Variants in FMN1 observed in about 807,000 individuals in gnomAD.
FMN1 encodes formin-1.
Under a neutral mutation model 132.4 loss-of-function variants are expected in FMN1, and 110 were observed. The observed-to-expected ratio is 0.83, with a 90% CI of 0.71 to 0.97. The LOEUF (loss-of-function observed/expected upper bound fraction) is 0.97, where lower values mean the gene tolerates loss of function less well. Among genes scored for constraint, FMN1 ranks in the 50% least tolerant of loss-of-function variants. FMN1 has a pLI of 0.00. For synonymous variants in FMN1, 722 were observed against 651.7 expected (o/e 1.11, Z -1.64); for missense variants, 1,792 against 1,705.3 (o/e 1.05, Z -0.90).
At chr15:33,104,645 G>T (rs117865210) in intron 4 of FMN1, among the ~76,000 whole-genome samples, 1 of 151,978 alleles carries the variant, frequency 6.6e-6, no homozygotes, top group Admixed American at 6.6e-5. Context: ...CTAGTAATAC[G>T]TATGTATTCC....
In FMN1 at chr15:33,117,979, G is replaced by T. The variant is rs548390923; in HGVS notation, c.1868-29005C>A. 5.9e-5 allele frequency among the ~76,000 whole-genome samples: 9 copies of T among 152,130 alleles called. 1 individual carries two copies. The highest frequency in any genetic ancestry group is 2.2e-4 in the African/African-American group (9 of 41,442). On this transcript the variant is annotated intron_variant, in intron 4 of 20. Transcript: ENST00000616417. Reference sequence around the variant, plus strand: ...TTTTCGTGTTCCTAGAAAGAAAATTGTTGTTAATTTGCAAAGACTTTTGCA... The same window carrying T: ...TTTTCGTGTTCCTAGAAAGAAAATTTTTGTTAATTTGCAAAGACTTTTGCA...
chr15:33,036,019 G>A (rs1338021347), intron 6 of FMN1, among the ~76,000 whole-genome samples: 2 of 152,092 alleles, frequency 1.3e-5, no homozygotes, highest in Non-Finnish European at 1.5e-5. Context: ...ACACCACCTC[G>A]GGACTCCTCA....
intron 16 of FMN1, among the ~76,000 whole-genome samples, chr15:32,862,317 C>T (rs1425250831): frequency 7.2e-5 from 11 of 152,144 alleles, no homozygotes; most frequent in Admixed American, 3.9e-4. Context: ...GCCAAAGTCA[C>T]CCCAGGTTCT....
intron 5 of FMN1, among the ~76,000 whole-genome samples, chr15:33,078,342 G>C (rs935552628): frequency 2.6e-5 from 4 of 152,006 alleles, no homozygotes; most frequent in African/African-American, 9.7e-5. Flanking sequence ...ATTTTTCCAT[G>C]GTTTTGAAAT....
chr15:32,887,787 T>C (rs2059930445), intron 16 of FMN1, among the ~76,000 whole-genome samples: 1 of 152,228 alleles, frequency 6.6e-6, no homozygotes, highest in Admixed American at 6.5e-5. Context: ...ACTTAACTTC[T>C]CTAAGCCTCA....
rs535992653 is a variant in FMN1, at chr15:32,859,859, G to C, written c.3836-2752C>G. ...CAAGACCAGTCTGGCAACACAGTGA[G>C]ACCTTGTCTCTCAAAAAAAATTTTT... On this transcript the variant is annotated intron_variant, in intron 16 of 20. Transcript: ENST00000616417. Among the ~76,000 whole-genome samples, 134 of 152,178 alleles carry C rather than the reference G, an allele frequency of 8.8e-4. No homozygotes were observed. The South Asian group carries it at 0.027, about 30-fold the overall frequency.
At chr15:33,107,413 T>C (rs138938377) in intron 4 of FMN1, among the ~76,000 whole-genome samples, 246 of 152,154 alleles carry the variant, frequency 1.6e-3, no homozygotes, top group Admixed American at 2.7e-3. Context: ...CTTCCCATCA[T>C]AGTTAAAATA....
chr15:32,912,346 A>C (rs531788209), intron 10 of FMN1, among the ~76,000 whole-genome samples: 3 of 152,332 alleles, frequency 2.0e-5, no homozygotes, highest in Non-Finnish European at 2.9e-5. Context: ...GACTGAGAAC[A>C]ACCATGGGCT....
At chr15:33,083,790 T>C (rs1302642901) in intron 5 of FMN1, among the ~76,000 whole-genome samples, 5 of 152,128 alleles carry the variant, frequency 3.3e-5, no homozygotes. Flanking sequence ...AAAAGAAGGT[T>C]ACCACAAGAT....
At chr15:32,852,074 T>C (rs1411226384) in intron 17 of FMN1, among the ~76,000 whole-genome samples, 1 of 152,226 alleles carries the variant, frequency 6.6e-6, no homozygotes, top group East Asian at 1.9e-4. Context: ...TACACTCTTT[T>C]CTTTGGGCTA....
chr15:33,066,300 C>T (rs2037722318), intron 5 of FMN1, among the ~76,000 whole-genome samples: 2 of 152,172 alleles, frequency 1.3e-5, no homozygotes, highest in Admixed American at 1.3e-4. Context: ...GTGTATATCC[C>T]TCTTGCAATA....
At chr15:32,857,219 A>G (rs1380423945) in intron 16 of FMN1, 112 bp from the exon 17 acceptor site, 2 of 782,674 alleles carry the variant, frequency 2.6e-6, no homozygotes, top group Admixed American at 2.2e-5. Context: ...CTCCTTGTCA[A>G]CCACTGTTGG....
intron 16 of FMN1, among the ~76,000 whole-genome samples, chr15:32,875,245 A>T (rs2059611106): frequency 6.6e-6 from 1 of 152,192 alleles, no homozygotes; most frequent in Non-Finnish European, 1.5e-5. Flanking sequence ...AGTCACACAG[A>T]CAGTAAGTAG....
At chr15:33,013,531 T>G (rs1261891696) in intron 6 of FMN1, among the ~76,000 whole-genome samples, 3 of 152,198 alleles carry the variant, frequency 2.0e-5, no homozygotes, top group African/African-American at 7.2e-5. Context: ...GGGTGTTAAA[T>G]GAAAAATTAT....
chr15:32,856,562 C>T (rs1008070136), intron 17 of FMN1, among the ~76,000 whole-genome samples: 10 of 152,154 alleles, frequency 6.6e-5, no homozygotes, highest in Non-Finnish European at 1.0e-4. Flanking sequence ...ATTTTCCTAT[C>T]TGAAAAGGAA....
chr15:32,837,860 G>A (rs1490245509), intron 17 of FMN1, among the ~76,000 whole-genome samples: 3 of 152,198 alleles, frequency 2.0e-5, no homozygotes, highest in African/African-American at 7.2e-5. Flanking sequence ...TGTGCTCTCT[G>A]TTAATTCCTT....
At chr15:32,783,866 A>G (rs1188866324) in intron 19 of FMN1, among the ~76,000 whole-genome samples, 1 of 150,134 alleles carries the variant, frequency 6.7e-6, no homozygotes, top group Non-Finnish European at 1.5e-5. Flanking sequence ...GCCTATGGGC[A>G]TACTGTGGGC....
intron 17 of FMN1, among the ~76,000 whole-genome samples, chr15:32,856,733 C>T (rs1475334676): frequency 3.9e-5 from 6 of 152,278 alleles, no homozygotes; most frequent in East Asian, 1.9e-4. Context: ...ATTCCTTGAG[C>T]CCCATGAAGA....
intron 5 of FMN1, among the ~76,000 whole-genome samples, chr15:33,073,213 G>GA (rs2038066847): frequency 6.6e-6 from 1 of 152,212 alleles, no homozygotes; most frequent in South Asian, 2.1e-4. Flanking sequence ...AAGGCAACGT[G>GA]AAAGTAAAGC....
Sources: gnomAD v4.1 joint callset for allele counts (sites outside exome capture counted in the v4.1 genomes callset) on GRCh38, gnomAD v4.1.1 for gene constraint, MANE v1.5 for transcripts, NCBI Gene and HGNC (gene_info 2026-07-23, HGNC 2026-07-21) for gene names.